PTPRM: variants seen among roughly 807,000 people sequenced by gnomAD.
PTPRM encodes the protein receptor-type tyrosine-protein phosphatase mu.
Under a neutral mutation model 186.7 loss-of-function variants are expected in PTPRM, and 47 were observed. The observed-to-expected ratio is 0.25, with a 90% confidence interval of 0.20 to 0.32. PTPRM has a LOEUF of 0.32. PTPRM is among the 10% of genes least tolerant of loss of function. PTPRM has a pLI of 1.00. For synonymous variants in PTPRM, 668 were observed against 674.9 expected (o/e 0.99, Z 0.16); for missense variants, 1,494 against 1,865.0 (o/e 0.80, Z 3.66).
chr18:7,701,369 G>A (rs1158083063), intron 1 of PTPRM, among the ~76,000 whole-genome samples: 1 of 151,584 alleles, frequency 6.6e-6, no homozygotes, highest in Non-Finnish European at 1.5e-5. Context: ...GGGAGGCTGA[G>A]GTGGGTGGAT....
At chr18:8,383,140 A>C (rs533996155) in intron 29 of PTPRM, among the ~76,000 whole-genome samples, 1 of 151,938 alleles carries the variant, frequency 6.6e-6, no homozygotes, top group South Asian at 2.1e-4. Context: ...TCCACTAAAA[A>C]TACAAAAATT....
Position 8,275,990 on chromosome 18 carries a change from G to A in PTPRM, c.2755-20378G>A, listed in dbSNP as rs141575421. On this transcript the variant is annotated intron_variant, in intron 19 of 32. Coordinates refer to ENST00000580170, the MANE Select transcript of PTPRM (RefSeq NM_001105244.2). ...CCTTGTTCTGTGGTAAAGACCTCTC[G>A]CTTGGGTCATGTCCACATTTTCCCT... is the stretch of plus-strand genomic sequence containing the variant. Among the ~76,000 whole-genome samples the A allele has an allele frequency of 5.7e-3, 873 of 152,074 alleles. 9 individuals are homozygous for A. Among genetic ancestry groups the A allele is most frequent in the African/African-American group, 0.019 (799 of 41,472 alleles).
At chr18:7,961,994 T>TG (rs35984885) in intron 7 of PTPRM, among the ~76,000 whole-genome samples, 49,202 of 151,878 alleles carry the variant, frequency 0.32, 8,740 homozygotes, top group East Asian at 0.44. Context: ...GTAATAGCTA[T>TG]CATATCTGCA....
At chr18:8,129,335 T>C (rs1464851877) in intron 13 of PTPRM, among the ~76,000 whole-genome samples, 1 of 152,234 alleles carries the variant, frequency 6.6e-6, no homozygotes, top group Non-Finnish European at 1.5e-5. Flanking sequence ...AATATCTGTG[T>C]CACTAGTTCT....
chr18:7,847,270 G>A (rs183796140), intron 2 of PTPRM, among the ~76,000 whole-genome samples: 1 of 150,752 alleles, frequency 6.6e-6, no homozygotes, highest in East Asian at 2.0e-4. Flanking sequence ...AAGCTCAATC[G>A]ATTCTCCCAC....
At chr18:7,609,843 C>T (rs1380573391) in intron 1 of PTPRM, among the ~76,000 whole-genome samples, 1 of 152,152 alleles carries the variant, frequency 6.6e-6, no homozygotes, top group Non-Finnish European at 1.5e-5. Context: ...TTAGGAGGAA[C>T]TGGCCTCACC....
At chr18:7,771,364 A>G (rs2042261721) in intron 1 of PTPRM, among the ~76,000 whole-genome samples, 1 of 152,224 alleles carries the variant, frequency 6.6e-6, no homozygotes, top group African/African-American at 2.4e-5. Context: ...CTACATCAAA[A>G]TTAGGGTTTG....
chr18:7,634,246 A>G (rs2038259915), intron 1 of PTPRM, among the ~76,000 whole-genome samples: 2 of 149,922 alleles, frequency 1.3e-5, no homozygotes, highest in South Asian at 4.2e-4. Flanking sequence ...TTTTTTTCCC[A>G]TTTTGTTCAC....
intron 11 of PTPRM, among the ~76,000 whole-genome samples, chr18:8,108,261 A>G (rs2091608274): frequency 6.6e-6 from 1 of 152,138 alleles, no homozygotes; most frequent in South Asian, 2.1e-4. Flanking sequence ...AAAAGTCACT[A>G]CTAGATATGA....
intron 2 of PTPRM, among the ~76,000 whole-genome samples, chr18:7,884,975 T>C (rs2048711931): frequency 7.0e-6 from 1 of 143,824 alleles, no homozygotes; most frequent in African/African-American, 2.6e-5. Flanking sequence ...ATAGCAGATC[T>C]TGTGAGAAGA....
rs538802166 is a variant in PTPRM, at chr18:8,104,500, A to G, written c.1857-8986A>G. Among the ~76,000 whole-genome samples the G allele has an allele frequency of 1.2e-4, 18 of 152,306 alleles. No homozygotes were observed. In the East Asian group the frequency reaches 3.5e-3, roughly 29 times the overall value. ...TGCTCCATTGTCCAGGCTGGAGTGC[A>G]GTAGCATGATCATAGCTCACTGCAG... On this transcript the variant is annotated intron_variant, in intron 11 of 32. Coordinates refer to ENST00000580170, the MANE Select transcript of PTPRM (RefSeq NM_001105244.2).
At chr18:8,186,963 C>G (rs182174771) in intron 14 of PTPRM, among the ~76,000 whole-genome samples, 1 of 148,008 alleles carries the variant, frequency 6.8e-6, no homozygotes, top group East Asian at 2.0e-4. Context: ...TTTTTTGAGA[C>G]AGAGTCTCGC....
intron 1 of PTPRM, among the ~76,000 whole-genome samples, chr18:7,598,695 A>G: frequency 7.0e-6 from 1 of 143,412 alleles, no homozygotes; most frequent in Middle Eastern, 3.8e-3. Context: ...CTCATGTTAG[A>G]TTTTTTTTTC....
At chr18:8,092,085 G>A (rs2090765030) in intron 11 of PTPRM, among the ~76,000 whole-genome samples, 2 of 151,796 alleles carry the variant, frequency 1.3e-5, no homozygotes, top group South Asian at 4.2e-4. Flanking sequence ...CGTATTCATT[G>A]ATGTTGAAAA....
chr18:7,888,148 A>G lies in PTPRM; in HGVS notation c.239A>G (p.Gln80Arg). 1.9e-6 allele frequency: 3 copies of G among 1,614,154 alleles called. No homozygotes were observed. Among genetic ancestry groups the G allele is most frequent in the Non-Finnish European group, 2.5e-6 (3 of 1,180,006 alleles). ...LVNASGRPEG[Q>R]RAHLLLPQLK... ...AATGCCTCTGGGAGACCTGAGGGGC[A>G]GAGAGCCCACCTGCTCTTACCCCAA... The change falls in exon 3 of 33, where the codon CAG (glutamine) becomes CGG (arginine). Residue 80 changes from glutamine (Q) to arginine (R), a missense_variant. Gln to Arg is a conservative substitution (Grantham distance 43). This residue lies in a region of PTPRM where 296 missense variants were observed against 345.5 expected (regional missense o/e 0.86). Coordinates refer to ENST00000580170, the MANE Select transcript of PTPRM (RefSeq NM_001105244.2).
At chr18:8,026,235 T>C (rs961822705) in intron 7 of PTPRM, among the ~76,000 whole-genome samples, 25 of 152,216 alleles carry the variant, frequency 1.6e-4, no homozygotes, top group Admixed American at 1.3e-3. Flanking sequence ...TCTGAGAACA[T>C]CCTGGTAATC....
At chr18:8,172,335 A>G (rs190967207) in intron 14 of PTPRM, among the ~76,000 whole-genome samples, 53 of 146,708 alleles carry the variant, frequency 3.6e-4, no homozygotes, top group African/African-American at 1.2e-3. Flanking sequence ...GGTATAGATG[A>G]TCTTGTTTTA....
chr18:8,241,849 T>TA (rs1601430327), intron 14 of PTPRM, among the ~76,000 whole-genome samples: 1 of 152,296 alleles, frequency 6.6e-6, no homozygotes, highest in East Asian at 1.9e-4. Context: ...GTCCTATGGA[T>TA]ATGAGCTTAA....
intron 7 of PTPRM, among the ~76,000 whole-genome samples, chr18:7,962,376 T>G (rs2053740590): frequency 6.6e-6 from 1 of 152,208 alleles, no homozygotes; most frequent in South Asian, 2.1e-4. Flanking sequence ...TTGTACTAAA[T>G]ACAAATTTAC....
Sources: gnomAD v4.1 joint callset for allele counts (sites outside exome capture counted in the v4.1 genomes callset) on GRCh38, gnomAD v4.1.1 for gene constraint, gnomAD v4.1.1 regional missense constraint, MANE v1.5 for transcripts, NCBI Gene and HGNC (gene_info 2026-07-23, HGNC 2026-07-21) for gene names.